PSTPIP2: variants seen among roughly 807,000 people sequenced by gnomAD.
The protein encoded by PSTPIP2 is proline-serine-threonine phosphatase-interacting protein 2.
In PSTPIP2, 33 loss-of-function variants were observed where a neutral mutation model predicts 63.3. That is an observed-to-expected ratio of 0.52 (90% CI 0.40 to 0.70). The LOEUF (loss-of-function observed/expected upper bound fraction) is 0.70. Ranked by LOEUF, PSTPIP2 falls within the 30% of genes least tolerant of loss-of-function variation. The pLI, the probability that PSTPIP2 is intolerant of heterozygous loss-of-function variation, is 0.00. For synonymous variants in PSTPIP2, 125 were observed against 132.7 expected (o/e 0.94, Z 0.40); for missense variants, 312 against 400.7 (o/e 0.78, Z 1.89).
chr18:46,064,998 G>A (rs1193055852), intron 1 of PSTPIP2, among the ~76,000 whole-genome samples: 1 of 151,618 alleles, frequency 6.6e-6, no homozygotes, highest in African/African-American at 2.4e-5. Flanking sequence ...TACAAAATTA[G>A]CCAGGCATGG....
intron 1 of PSTPIP2, among the ~76,000 whole-genome samples, chr18:46,043,847 C>G (rs536275406): frequency 1.3e-5 from 2 of 151,338 alleles, no homozygotes; most frequent in African/African-American, 2.4e-5. Flanking sequence ...TTCTATATAC[C>G]GGTGGAAAAA....
At chr18:45,988,645 A>G in intron 14 of PSTPIP2, 57 bp downstream of exon 14, 4 of 1,435,724 alleles carry the variant, frequency 2.8e-6, no homozygotes, top group Non-Finnish European at 2.9e-6. Context: ...AAAGGCTTCA[A>G]TAGCACAATT....
chr18:45,999,972 C>G (rs1295369142), intron 6 of PSTPIP2, among the ~76,000 whole-genome samples: 1 of 152,092 alleles, frequency 6.6e-6, no homozygotes, highest in Non-Finnish European at 1.5e-5. Context: ...AACCCCATCT[C>G]TACAAAAAAC....
rs1909422453 is a variant in PSTPIP2 at position 46,072,230 on chromosome 18, T to C, written c.-42A>G. ...GCGCGGAGGAGAGCCGGGCCGCAGG[T>C]AGCACAGAGCGGGGAGGCCTGACTG... On this transcript the variant is annotated 5_prime_UTR_variant, in exon 1 of 15. Transcript: ENST00000409746. The C allele has an allele frequency of 6.5e-7, 1 of 1,527,130 alleles. No individual in the cohort carries two copies. Among genetic ancestry groups the C allele is most frequent in the Non-Finnish European group, 8.8e-7 (1 of 1,137,380 alleles). 94.6% of individuals were successfully genotyped at this position (1,527,130 alleles called of 1,614,324 possible).
intron 4 of PSTPIP2, among the ~76,000 whole-genome samples, chr18:46,012,777 AAGAG>A (rs1033045053): frequency 2.0e-4 from 30 of 152,124 alleles, no homozygotes; most frequent in Non-Finnish European, 3.5e-4. Flanking sequence ...ATCTCAAAAA[AAGAG>A]AGAGAGAGTT....
intron 1 of PSTPIP2, among the ~76,000 whole-genome samples, chr18:46,065,293 T>C (rs911169860): frequency 2.0e-5 from 3 of 149,178 alleles, no homozygotes; most frequent in African/African-American, 7.3e-5. Context: ...AAATAAGTTA[T>C]AATTTTTTTT....
chr18:46,009,593 C>T (rs1051608726), intron 5 of PSTPIP2, among the ~76,000 whole-genome samples: 1 of 152,120 alleles, frequency 6.6e-6, no homozygotes, highest in African/African-American at 2.4e-5. Context: ...CAGTTCAGAG[C>T]AGAGTTCAGT....
In PSTPIP2 at chr18:46,010,927, C is replaced by T. The variant is rs555388115; in HGVS notation, c.354+254G>A. On this transcript the variant is annotated intron_variant, in intron 5 of 14. Transcript: ENST00000409746. ...CCCTTTCCATTCATAGTCTGAATAG[C>T]GGCAGCAGACCTGAAGAGGAATGCA... 7 of 402,878 alleles carry T rather than the reference C, an allele frequency of 1.7e-5. No individual in the cohort carries two copies. The Admixed American group carries it at 1.9e-4, about 11-fold the overall frequency. 25.0% of individuals were successfully genotyped at this position (402,878 alleles called of 1,614,324 possible).
At chr18:46,018,391 C>T (rs777260560) in intron 3 of PSTPIP2, among the ~76,000 whole-genome samples, 1 of 151,806 alleles carries the variant, frequency 6.6e-6, no homozygotes, top group African/African-American at 2.4e-5. Flanking sequence ...AGGTATCTTT[C>T]GTTGATATCT....
At position 46,003,923 on chromosome 18, in the gene PSTPIP2, AT is replaced by A. The variant is rs569661458; in HGVS notation, c.417+1545del. ...AGGTGCACACCACCACACCCAGCTA[AT>A]TTTTTTTTTTTTTGTATTTTTAGTA... On this transcript the variant is annotated intron_variant, in intron 6 of 14. Transcript: ENST00000409746. 7.3e-3 allele frequency among the ~76,000 whole-genome samples: 1,034 copies of A among 142,602 alleles called. 8 individuals carry two copies. The highest frequency in any genetic ancestry group is 0.014 in the African/African-American group (532 of 39,246). The allele number at this position is 142,602 out of a possible 152,430, so 93.6% of individuals were successfully genotyped here.
intron 2 of PSTPIP2, chr18:46,028,208 T>C (rs955166889): frequency 8.3e-6 from 3 of 359,410 alleles, no homozygotes; most frequent in Non-Finnish European, 1.7e-5. Context: ...CGCGAGCGCC[T>C]GCGTTTCTCC....
At chr18:46,023,571 T>C (rs968535256) in intron 3 of PSTPIP2, among the ~76,000 whole-genome samples, 10 of 150,916 alleles carry the variant, frequency 6.6e-5, no homozygotes, top group Admixed American at 4.0e-4. Context: ...AAAAGAAAAG[T>C]TTTTTTAAAA....
intron 3 of PSTPIP2, among the ~76,000 whole-genome samples, chr18:46,021,830 CAAAGCGAGACT>C (rs1907365964): frequency 1.3e-5 from 1 of 79,590 alleles, no homozygotes; most frequent in Non-Finnish European, 2.2e-5. Flanking sequence ...GCCTGGGCAA[CAAAGCGAGACT>C]CTGTCTCAAA....
rs971379299 is a variant in PSTPIP2, at chr18:46,009,384, A to C, written c.354+1797T>G. Among the ~76,000 whole-genome samples the C allele has an allele frequency of 9.4e-4, 128 of 136,232 alleles. 4 individuals carry two copies. In the East Asian group the frequency reaches 0.018, roughly 19 times the overall value. The allele number at this position is 136,232 out of a possible 152,430, so 89.4% of individuals were successfully genotyped here. On this transcript the variant is annotated intron_variant, in intron 5 of 14. Coordinates refer to ENST00000409746, the MANE Select transcript of PSTPIP2 (RefSeq NM_024430.4). ...GTGTAAAAAAAAAAAAAAAAAAAAA[A>C]AAAAAAACCTAGCTAAATACGGAAG...
chr18:46,003,924 T>C (rs1413959697), intron 6 of PSTPIP2, among the ~76,000 whole-genome samples: 1 of 128,954 alleles, frequency 7.8e-6, no homozygotes, highest in Non-Finnish European at 1.6e-5. Context: ...ACCCAGCTAA[T>C]TTTTTTTTTT....
chr18:46,058,721 A>G (rs1030326790), intron 1 of PSTPIP2, among the ~76,000 whole-genome samples: 25 of 152,216 alleles, frequency 1.6e-4, no homozygotes, highest in Non-Finnish European at 5.9e-5. Flanking sequence ...TGGAATCCAT[A>G]GGCGGTTCTC....
chr18:46,064,393 C>T (rs1224957761), intron 1 of PSTPIP2, among the ~76,000 whole-genome samples: 1 of 142,220 alleles, frequency 7.0e-6, no homozygotes, highest in Non-Finnish European at 1.5e-5. Flanking sequence ...CAAGTCCAGG[C>T]GATTCTCCTG....
intron 7 of PSTPIP2, 49 bp from the exon 8 acceptor site, chr18:45,998,888 T>C: frequency 6.2e-7 from 1 of 1,606,916 alleles, no homozygotes; most frequent in Admixed American, 1.7e-5. Flanking sequence ...TTGGGAATGC[T>C]GGACGAGGCT....
In PSTPIP2 at chr18:45,995,134, A is replaced by G. The variant is rs921486884; in HGVS notation, c.643-1431T>C. ...GGGGGTTTTATTTTGTTTTGTTTTG[A>G]GACAGGGTCTCACTTTGTCACCCAG... On this transcript the variant is annotated intron_variant, in intron 9 of 14. Coordinates refer to ENST00000409746, the MANE Select transcript of PSTPIP2 (RefSeq NM_024430.4). Among the ~76,000 whole-genome samples the G allele has an allele frequency of 3.3e-5, 5 of 152,136 alleles. No homozygotes were observed. In the South Asian group the frequency reaches 1.0e-3, roughly 31 times the overall value.
Sources: allele counts gnomAD v4.1 joint callset (sites outside exome capture counted in the v4.1 genomes callset), GRCh38; gene constraint gnomAD v4.1.1; transcripts MANE v1.5; gene names NCBI Gene and HGNC (gene_info 2026-07-23, HGNC 2026-07-21).